Variants in NDUFA11 observed in about 807,000 individuals in gnomAD.
The protein encoded by NDUFA11 is NADH dehydrogenase [ubiquinone] 1 alpha subcomplex subunit 11.
Under a neutral mutation model 11.3 loss-of-function variants are expected in NDUFA11, and 14 were observed. The ratio of observed to expected loss-of-function variants is 1.24; its 90% CI spans 0.82 to 1.94. The LOEUF is 1.94. Ranked by LOEUF, NDUFA11 falls within the 30% of genes most tolerant of loss-of-function variation. The pLI is 0.00. For synonymous variants in NDUFA11, 87 were observed against 85.6 expected (o/e 1.02, Z -0.09); for missense variants, 204 against 200.3 (o/e 1.02, Z -0.11).
At chr19:5,898,030 C>T (rs1343527962) in intron 1 of NDUFA11, among the ~76,000 whole-genome samples, 3 of 152,240 alleles carry the variant, frequency 2.0e-5, no homozygotes, top group Non-Finnish European at 4.4e-5. Flanking sequence ...GCCAGCCCAT[C>T]CCAGAGAAAA....
downstream of NDUFA11, chr19:5,891,577 T>G (rs1284905492): frequency 6.6e-6 from 1 of 152,158 alleles, no homozygotes; most frequent in Non-Finnish European, 1.5e-5. Flanking sequence ...CTTGGAGCCT[T>G]GTCTCTGCTG....
Position 5,903,428 on chromosome 19 carries a change from C to G in NDUFA11, c.97+184G>C, listed in dbSNP as rs118115305. Among the ~76,000 whole-genome samples the G allele has an allele frequency of 7.5e-3, 1,144 of 152,264 alleles. 11 individuals carry two copies. Among genetic ancestry groups the G allele is most frequent in the Middle Eastern group, 0.061 (18 of 294 alleles). ...GACCTCCCAGTGCTCCCCAACCCTG[C>G]TGGACCCCCTACCAACATCCATTTC... On this transcript the variant is annotated intron_variant, in intron 1 of 3. Transcript: ENST00000308961.
intron 1 of NDUFA11, among the ~76,000 whole-genome samples, chr19:5,897,440 G>A (rs2057617625): frequency 1.3e-5 from 2 of 152,158 alleles, no homozygotes; most frequent in South Asian, 2.1e-4. Context: ...CAGGGCCCCA[G>A]CTCCAGGTTC....
At chr19:5,898,670 T>G (rs1477872118) in intron 1 of NDUFA11, among the ~76,000 whole-genome samples, 1 of 151,934 alleles carries the variant, frequency 6.6e-6, no homozygotes, top group Non-Finnish European at 1.5e-5. Context: ...GGTTAGGAGT[T>G]TGAGACCAGC....
At chr19:5,892,968 T>C (rs1331190010), downstream of NDUFA11, 3 of 1,505,582 alleles carry the variant, frequency 2.0e-6, no homozygotes, top group Admixed American at 4.2e-5. Context: ...CTATTAGGGC[T>C]TGGACAGGTG....
chr19:5,896,345 G>GCTTTA lies in NDUFA11; in HGVS notation c.313+103_313+107dup. 1 of 1,270,846 alleles carries GCTTTA rather than the reference G, an allele frequency of 7.9e-7. No individual in the cohort carries two copies. The highest frequency in any genetic ancestry group is 1.1e-6 in the Non-Finnish European group (1 of 931,654). The allele number at this position is 1,270,846 out of a possible 1,614,324, so 78.7% of individuals were successfully genotyped here. A position where few individuals can be genotyped will look rare whatever the true frequency, so the allele number is the denominator to read the frequency against. On this transcript the variant is annotated intron_variant, in intron 3 of 3. Transcript: ENST00000308961. The surrounding 1 kb of genome is among the most constrained non-coding windows in gnomAD (Gnocchi z 5.8). ...GAAATGGCTGGTGTTCAAGAAGGCTGCTTTACTTCTTGTCCGGGATGGAAC... is the reference window on the plus strand; with the variant it reads ...GAAATGGCTGGTGTTCAAGAAGGCTGCTTTACTTTACTTCTTGTCCGGGATGGAAC...
chr19:5,892,957 T>C, downstream of NDUFA11: 1 of 1,481,036 alleles, frequency 6.8e-7, no homozygotes, highest in Middle Eastern at 1.8e-4. Context: ...TAACAATGAC[T>C]CTATTAGGGC....
intron 1 of NDUFA11, among the ~76,000 whole-genome samples, chr19:5,900,910 CAAAA>C (rs1305134254): frequency 1.9e-5 from 1 of 51,622 alleles, no homozygotes; most frequent in Non-Finnish European, 4.1e-5. Context: ...GACTCCGTCT[CAAAA>C]AAAAAAAAAA....
intron 1 of NDUFA11, among the ~76,000 whole-genome samples, chr19:5,899,024 T>C (rs1266411236): frequency 6.6e-6 from 1 of 151,850 alleles, no homozygotes; most frequent in East Asian, 1.9e-4. Flanking sequence ...CACCTGCTCC[T>C]GGCCCAGCAG....
downstream of NDUFA11, chr19:5,894,624 C>T (rs548679583): frequency 1.5e-4 from 230 of 1,538,018 alleles, no homozygotes; most frequent in East Asian, 2.1e-3. Context: ...CTCCCAGATC[C>T]GCCCTCACCG....
Position 5,903,629 on chromosome 19 carries a change from C to CT in NDUFA11, c.79dup (p.Ser27LysfsTer25). On this transcript the variant is annotated frameshift_variant, in exon 1 of 4. Transcript: ENST00000308961. LOFTEE classifies it high-confidence loss of function. ...GCGCTCACCAGCGACGCTGGCAATA[C>CT]TGGTGGTGCTGTAGGCTTTGCGGTG... 1 of 1,551,236 alleles carries CT rather than the reference C, an allele frequency of 6.4e-7. No individual in the cohort carries two copies. The highest frequency in any genetic ancestry group is 2.4e-5 in the East Asian group (1 of 40,922).
chr19:5,901,667 T>C (rs752424256), intron 1 of NDUFA11, among the ~76,000 whole-genome samples: 10 of 46,322 alleles, frequency 2.2e-4, no homozygotes, highest in Non-Finnish European at 4.4e-4. Flanking sequence ...TTTCTTTGGG[T>C]TTTTTTTTTT....
At chr19:5,892,511 T>G (rs1228422203), downstream of NDUFA11, 2 of 163,632 alleles carry the variant, frequency 1.2e-5, no homozygotes, top group Non-Finnish European at 2.7e-5. Context: ...GGCTGGAGGT[T>G]TGGGGCTGTA....
intron 1 of NDUFA11, chr19:5,901,547 C>G (rs906320581): frequency 9.1e-7 from 1 of 1,099,772 alleles, no homozygotes; most frequent in African/African-American, 1.6e-5. Flanking sequence ...AATTCAAATG[C>G]CTCCCAATGG....
rs1273602546 is a variant in NDUFA11 at position 5,896,667 on chromosome 19, G to A, written c.191-92C>T. 2 of 1,534,146 alleles carry A rather than the reference G, an allele frequency of 1.3e-6. No individual in the cohort carries two copies. Among genetic ancestry groups the A allele is most frequent in the East Asian group, 2.4e-5 (1 of 40,902 alleles). On this transcript the variant is annotated intron_variant, in intron 2 of 3. Coordinates refer to ENST00000308961, the MANE Select transcript of NDUFA11 (RefSeq NM_175614.5). This position sits in a 1 kb window ranked among gnomAD's most constrained non-coding sequence, Gnocchi z 5.8. ...TGCCAGTGTCTGGATGGAGAGAGAT[G>A]CCACGAGTCGGCTGCTCGCTGTGCA...
chr19:5,898,883 A>T (rs916108486), intron 1 of NDUFA11, among the ~76,000 whole-genome samples: 3 of 151,152 alleles, frequency 2.0e-5, no homozygotes, highest in Non-Finnish European at 3.0e-5. Context: ...CAAAATAAAA[A>T]AAAAAAAAAA....
In NDUFA11 at chr19:5,900,502, T is replaced by C. The variant is rs73548352; in HGVS notation, c.97+3110A>G. Among the ~76,000 whole-genome samples the C allele has an allele frequency of 1.0e-2, 1,515 of 152,188 alleles. 39 individuals are homozygous for C. The highest frequency in any genetic ancestry group is 0.035 in the African/African-American group (1,444 of 41,508). On this transcript the variant is annotated intron_variant, in intron 1 of 3. Coordinates refer to ENST00000308961, the MANE Select transcript of NDUFA11 (RefSeq NM_175614.5). ...CTCAGGGAAGCCAGCCAGGAAACAATTTATCTCCCTCAGATGAGAAGTGAG... is the reference window on the plus strand; with the variant it reads ...CTCAGGGAAGCCAGCCAGGAAACAACTTATCTCCCTCAGATGAGAAGTGAG...
chr19:5,897,058 G>C lies in NDUFA11; in HGVS notation c.98-61C>G. 3.6e-6 allele frequency: 5 copies of C among 1,388,236 alleles called. No homozygotes were observed. In the South Asian group the frequency reaches 4.6e-5, roughly 13 times the overall value. 86.0% of individuals were successfully genotyped at this position (1,388,236 alleles called of 1,614,324 possible). A position where few individuals can be genotyped will look rare whatever the true frequency, so the allele number is the denominator to read the frequency against. On this transcript the variant is annotated intron_variant, in intron 1 of 3. Coordinates refer to ENST00000308961, the MANE Select transcript of NDUFA11 (RefSeq NM_175614.5). The stretch of plus-strand genomic sequence containing the variant: ...CTGCTGCTAAGCCCTTGCTTGGCCG[G>C]GCACCCCACTGGGTGGTCTCCCTCC...
chr19:5,903,745 A>T lies in NDUFA11; in HGVS notation c.-37T>A. ...TCGATCCCGCACCACGGACCCCGCC[A>T]GCTCGGGAAGCGCAAGGGCAGCCGC... On this transcript the variant is annotated 5_prime_UTR_variant, in exon 1 of 4. Transcript: ENST00000308961. 1.3e-6 allele frequency: 2 copies of T among 1,546,920 alleles called. No homozygotes were observed. Among genetic ancestry groups the T allele is most frequent in the Non-Finnish European group, 1.7e-6 (2 of 1,143,144 alleles).
Sources: gnomAD v4.1 joint callset for allele counts (sites outside exome capture counted in the v4.1 genomes callset) on GRCh38, gnomAD v4.1.1 for gene constraint, Gnocchi (gnomAD v3.1) non-coding constraint, MANE v1.5 for transcripts, NCBI Gene and HGNC (gene_info 2026-07-23, HGNC 2026-07-21) for gene names.